Variants in NTRK3 observed in about 807,000 individuals in gnomAD.
NTRK3 encodes NT-3 growth factor receptor.
Under a neutral mutation model 91.7 loss-of-function variants are expected in NTRK3, and 24 were observed. The observed-to-expected ratio is 0.26, with a 90% CI of 0.19 to 0.37. The LOEUF is 0.37. Ranked by LOEUF, NTRK3 falls within the 10% of genes least tolerant of loss-of-function variation. NTRK3 has a pLI of 1.00. For synonymous variants in NTRK3, 483 were observed against 404.0 expected (o/e 1.20, Z -2.34); for missense variants, 880 against 1,068.9 (o/e 0.82, Z 2.46).
intron 3 of NTRK3, among the ~76,000 whole-genome samples, chr15:88,204,102 A>C (rs547205772): frequency 2.2e-4 from 33 of 151,844 alleles, no homozygotes; most frequent in Non-Finnish European, 4.1e-4. Context: ...TCATTGTTCA[A>C]CTCCCACTTA....
intron 13 of NTRK3, among the ~76,000 whole-genome samples, chr15:88,061,904 C>T (rs909888794): frequency 1.8e-4 from 27 of 152,228 alleles, no homozygotes; most frequent in African/African-American, 5.5e-4. Context: ...ATCCATCAAA[C>T]GGGGGTAATA....
intron 14 of NTRK3, among the ~76,000 whole-genome samples, chr15:88,002,334 TG>T (rs891379843): frequency 1.3e-5 from 2 of 152,074 alleles, no homozygotes; most frequent in African/African-American, 4.8e-5. Flanking sequence ...GGATGGATAA[TG>T]GAAGGCCTTG....
intron 3 of NTRK3, among the ~76,000 whole-genome samples, chr15:88,191,180 G>GTGTGTGTGTA (rs2047357540): frequency 6.6e-6 from 1 of 150,818 alleles, no homozygotes; most frequent in Non-Finnish European, 1.5e-5. Context: ...GTGTGTGTGT[G>GTGTGTGTGTA]TGTGTGTGTG....
intron 6 of NTRK3, among the ~76,000 whole-genome samples, 185 bp from the exon 7 acceptor site, chr15:88,137,746 C>T (rs2042010671): frequency 1.3e-5 from 2 of 152,178 alleles, no homozygotes; most frequent in South Asian, 4.1e-4. Context: ...AAACAATAAA[C>T]TCATTTTTTT....
At chr15:88,063,190 T>C (rs1482501078) in intron 13 of NTRK3, among the ~76,000 whole-genome samples, 1 of 152,224 alleles carries the variant, frequency 6.6e-6, no homozygotes, top group Non-Finnish European at 1.5e-5. Flanking sequence ...TGGTGCTTCA[T>C]AGGAGCACAT....
intron 6 of NTRK3, among the ~76,000 whole-genome samples, chr15:88,142,349 CG>C (rs928610100): frequency 6.6e-6 from 1 of 152,254 alleles, no homozygotes; most frequent in African/African-American, 2.4e-5. Context: ...TACCAACACC[CG>C]GCACTTGCCC....
chr15:88,111,349 C>T (rs1216012546), intron 13 of NTRK3, among the ~76,000 whole-genome samples: 1 of 152,156 alleles, frequency 6.6e-6, no homozygotes, highest in Non-Finnish European at 1.5e-5. Flanking sequence ...AGAAAGACAG[C>T]AGAAAGGGGT....
chr15:88,233,935 C>T lies in NTRK3; in HGVS notation c.248+21971G>A, dbSNP rs1021231374. 9.2e-5 allele frequency among the ~76,000 whole-genome samples: 14 copies of T among 152,200 alleles called. No homozygotes were observed. Among genetic ancestry groups the T allele is most frequent in the African/African-American group, 1.7e-4 (7 of 41,454 alleles). On this transcript the variant is annotated intron_variant, in intron 3 of 18. Transcript: ENST00000394480. This position sits in a 1 kb window ranked among gnomAD's most constrained non-coding sequence, Gnocchi z 4.2. ...TAAATGTTGAGTCCCACTAGACATG[C>T]GTTGTTTCCTCTTTAATATTTAAAC... is the stretch of plus-strand genomic sequence containing the variant.
At chr15:87,914,930 G>A (rs2067339514) in intron 17 of NTRK3, among the ~76,000 whole-genome samples, 2 of 152,330 alleles carry the variant, frequency 1.3e-5, no homozygotes, top group Admixed American at 1.3e-4. Flanking sequence ...TTTCCAGGGT[G>A]TACATGGTTA....
At chr15:88,169,253 C>T (rs766416853) in intron 5 of NTRK3, among the ~76,000 whole-genome samples, 12 of 152,190 alleles carry the variant, frequency 7.9e-5, no homozygotes, top group Non-Finnish European at 1.0e-4. Context: ...ATCAGAGGCA[C>T]ATTTAAGAGG....
At chr15:88,223,673 T>C (rs1330079167) in intron 3 of NTRK3, among the ~76,000 whole-genome samples, 1 of 152,212 alleles carries the variant, frequency 6.6e-6, no homozygotes, top group Non-Finnish European at 1.5e-5. Context: ...TCCTCTGTGT[T>C]TCCTTATATA....
At chr15:88,015,183 G>T (rs1050178138) in intron 14 of NTRK3, among the ~76,000 whole-genome samples, 1 of 152,156 alleles carries the variant, frequency 6.6e-6, no homozygotes, top group African/African-American at 2.4e-5. Context: ...TTACAGTGTT[G>T]ATAGTTTCTT....
chr15:87,970,312 G>A (rs559480942), intron 14 of NTRK3, among the ~76,000 whole-genome samples: 48 of 152,298 alleles, frequency 3.2e-4, no homozygotes, highest in African/African-American at 1.2e-3. Flanking sequence ...ATATCACAGC[G>A]AAGGTTTCCT....
intron 3 of NTRK3, among the ~76,000 whole-genome samples, chr15:88,223,866 G>A (rs377174886): frequency 2.8e-4 from 42 of 152,272 alleles, no homozygotes; most frequent in Admixed American, 1.9e-3. Flanking sequence ...TGCTCCAAAG[G>A]CAGAAGAACA....
intron 17 of NTRK3, among the ~76,000 whole-genome samples, chr15:87,909,132 G>T (rs994797202): frequency 6.6e-6 from 1 of 152,100 alleles, no homozygotes; most frequent in Non-Finnish European, 1.5e-5. Flanking sequence ...GATTTAGAAA[G>T]GTTAACTCAC....
exon 19 of NTRK3, chr15:87,865,079 A>G (rs2141383731): frequency 4.7e-6 from 1 of 214,246 alleles, no homozygotes; most frequent in Non-Finnish European, 9.4e-6. Flanking sequence ...AGTTAAAGAG[A>G]AAAGAGAAGC....
intron 3 of NTRK3, among the ~76,000 whole-genome samples, chr15:88,245,504 T>C (rs1353264080): frequency 2.0e-5 from 3 of 152,168 alleles, no homozygotes; most frequent in African/African-American, 7.2e-5. Flanking sequence ...AAAGGGACCA[T>C]GAAAAGTTCG....
rs181586271 is a variant in NTRK3, at chr15:87,992,671, G to A, written c.1585+40186C>T. On this transcript the variant is annotated intron_variant, in intron 14 of 18. Transcript: ENST00000394480. ...TGACCTTCTCAGCATCCCTATGAGGGGAGAACTGGTATGGACCCTGGTTTG... is the reference window on the plus strand; with the variant it reads ...TGACCTTCTCAGCATCCCTATGAGGAGAGAACTGGTATGGACCCTGGTTTG... 2.0e-5 allele frequency among the ~76,000 whole-genome samples: 3 copies of A among 152,296 alleles called. No individual in the cohort carries two copies. The East Asian group carries it at 5.8e-4, about 29-fold the overall frequency.
chr15:88,184,168 C>T (rs1377548928), intron 4 of NTRK3, 57 bp downstream of exon 4: 2 of 1,552,864 alleles, frequency 1.3e-6, no homozygotes, highest in Non-Finnish European at 1.8e-6. Flanking sequence ...GAAGGCAGAC[C>T]AGGTGGCATC....
Sources: gnomAD v4.1 joint callset for allele counts (sites outside exome capture counted in the v4.1 genomes callset) on GRCh38, gnomAD v4.1.1 for gene constraint, Gnocchi (gnomAD v3.1) non-coding constraint, MANE v1.5 for transcripts, NCBI Gene and HGNC (gene_info 2026-07-23, HGNC 2026-07-21) for gene names.